Variants in ZNF366 observed in about 807,000 individuals in gnomAD.
ZNF366 encodes zinc finger protein 366.
A neutral mutation model predicts 47.2 loss-of-function variants in ZNF366; 20 were observed. The observed-to-expected ratio is 0.42, with a 90% CI of 0.30 to 0.62. The LOEUF (loss-of-function observed/expected upper bound fraction) is 0.62, where lower values mean the gene tolerates loss of function less well. Ranked by LOEUF, ZNF366 falls within the 20% of genes least tolerant of loss-of-function variation. The pLI is 0.16. For synonymous variants in ZNF366, 421 were observed against 395.1 expected, an observed-to-expected ratio of 1.07 and a Z score of -0.78; for missense variants, 987 against 976.3, an observed-to-expected ratio of 1.01 and a Z score of -0.15.
At chr5:72,505,248 G>A (rs79013430) in intron 1 of ZNF366, among the ~76,000 whole-genome samples, 1,802 of 152,232 alleles carry the variant, frequency 0.012, 29 homozygotes, top group African/African-American at 0.042. Context: ...ACTCTTTGGC[G>A]GTGAGTGAGT....
At chr5:72,459,136 G>A (rs915532737) in intron 2 of ZNF366, among the ~76,000 whole-genome samples, 8 of 152,146 alleles carry the variant, frequency 5.3e-5, no homozygotes, top group Non-Finnish European at 1.0e-4. Context: ...TCATCTCTGT[G>A]GCAGAGCCAG....
At chr5:72,489,439 G>A (rs976200283) in intron 1 of ZNF366, among the ~76,000 whole-genome samples, 2 of 152,016 alleles carry the variant, frequency 1.3e-5, no homozygotes, top group African/African-American at 4.8e-5. Context: ...GTTTGTTATT[G>A]GAGCATAACC....
Position 72,460,183 on chromosome 5 carries a change from C to T in ZNF366, c.1314G>A (p.Gln438=). Reference sequence around the variant, plus strand: ...GCAGTACCTTGTGGGTGAGGGAGTGCTGCTTGAGGTGGTGCGGCTGCACAA... The same window carrying T: ...GCAGTACCTTGTGGGTGAGGGAGTGTTGCTTGAGGTGGTGCGGCTGCACAA... ...MEFVQPHHLK[Q]HSLTHKGVKE... Residue 438 remains glutamine, a synonymous_variant, in exon 2 of 5, where the codon CAG becomes CAA. Transcript: ENST00000318442. The T allele has an allele frequency of 6.2e-7, 1 of 1,614,134 alleles. No individual in the cohort carries two copies. Among genetic ancestry groups the T allele is most frequent in the African/African-American group, 1.3e-5 (1 of 75,068 alleles).
chr5:72,470,662 G>A (rs894535046), intron 1 of ZNF366, among the ~76,000 whole-genome samples: 101 of 152,278 alleles, frequency 6.6e-4, no homozygotes, highest in African/African-American at 2.1e-3. Flanking sequence ...ACAAATAACC[G>A]TGTCCTAGGT....
At chr5:72,493,086 C>T (rs560153141) in intron 1 of ZNF366, among the ~76,000 whole-genome samples, 1 of 152,274 alleles carries the variant, frequency 6.6e-6, no homozygotes, top group East Asian at 1.9e-4. Context: ...TGCCTGTGAC[C>T]AAGGAAATGT....
chr5:72,454,672 T>A (rs1331348596), intron 3 of ZNF366, among the ~76,000 whole-genome samples: 1 of 152,148 alleles, frequency 6.6e-6, no homozygotes, highest in Non-Finnish European at 1.5e-5. Flanking sequence ...GATTAAAAAT[T>A]CAGTTAATGC....
intron 4 of ZNF366, 84 bp downstream of exon 4, chr5:72,447,159 C>T: frequency 1.3e-6 from 2 of 1,493,080 alleles, no homozygotes; most frequent in Non-Finnish European, 9.2e-7. Flanking sequence ...GAATAACCCT[C>T]AAGGTAATGC....
chr5:72,447,542 A>G, intron 3 of ZNF366, 125 bp from the exon 4 acceptor site: 1 of 1,164,630 alleles, frequency 8.6e-7, no homozygotes, highest in Non-Finnish European at 1.2e-6. Context: ...TTGCAAGGAA[A>G]ATGTCCATAA....
chr5:72,452,775 G>GT (rs1743100406), intron 3 of ZNF366, among the ~76,000 whole-genome samples: 1 of 152,230 alleles, frequency 6.6e-6, no homozygotes, highest in Admixed American at 6.5e-5. Flanking sequence ...CTGGATGGCT[G>GT]TTTTTCCTGG....
At chr5:72,482,286 T>C (rs964994073) in intron 1 of ZNF366, among the ~76,000 whole-genome samples, 6 of 152,184 alleles carry the variant, frequency 3.9e-5, no homozygotes, top group African/African-American at 9.7e-5. Context: ...GCCAATGAAG[T>C]TGAGAGAGTC....
At chr5:72,497,240 T>C (rs1227574777) in intron 1 of ZNF366, among the ~76,000 whole-genome samples, 1 of 152,214 alleles carries the variant, frequency 6.6e-6, no homozygotes. Context: ...GATTTTCTCC[T>C]GTGTTTCCCT....
intron 1 of ZNF366, among the ~76,000 whole-genome samples, chr5:72,502,034 A>C (rs1000032618): frequency 3.7e-4 from 56 of 152,202 alleles, no homozygotes; most frequent in African/African-American, 1.3e-3. Context: ...GAAAAGTTTG[A>C]CTAACTTTTT....
chr5:72,477,275 T>G (rs1289245491), intron 1 of ZNF366, among the ~76,000 whole-genome samples: 1 of 152,248 alleles, frequency 6.6e-6, no homozygotes, highest in African/African-American at 2.4e-5. Context: ...ATTCAATTCC[T>G]TCTTTCCCAG....
chr5:72,482,337 A>G (rs1483165053), intron 1 of ZNF366, among the ~76,000 whole-genome samples: 2 of 152,198 alleles, frequency 1.3e-5, no homozygotes, highest in Admixed American at 6.5e-5. Flanking sequence ...CAAAGTAGTC[A>G]AGGGGAAGTT....
At chr5:72,473,655 C>T (rs770119833) in intron 1 of ZNF366, among the ~76,000 whole-genome samples, 3 of 152,206 alleles carry the variant, frequency 2.0e-5, no homozygotes, top group Non-Finnish European at 4.4e-5. Context: ...AGTTCAGCTT[C>T]TTCCCGGAAA....
At chr5:72,456,276 G>A in intron 3 of ZNF366, 128 bp downstream of exon 3, 1 of 949,514 alleles carries the variant, frequency 1.1e-6, no homozygotes. Flanking sequence ...TGGGACCTGG[G>A]GTTGGCCACG....
At chr5:72,467,832 A>G (rs1026495697) in intron 1 of ZNF366, among the ~76,000 whole-genome samples, 1 of 152,182 alleles carries the variant, frequency 6.6e-6, no homozygotes, top group Non-Finnish European at 1.5e-5. Context: ...GATGTACCCT[A>G]GAGCTCTGTT....
intron 1 of ZNF366, chr5:72,493,508 A>AT (rs1744053341): frequency 6.6e-6 from 1 of 152,194 alleles, no homozygotes; most frequent in South Asian, 2.1e-4. Context: ...TTGATCAAGT[A>AT]TGCAAACCTA....
intron 1 of ZNF366, among the ~76,000 whole-genome samples, chr5:72,470,415 A>T (rs1423477194): frequency 6.6e-6 from 1 of 152,184 alleles, no homozygotes; most frequent in Non-Finnish European, 1.5e-5. Flanking sequence ...TGGAGTCTTT[A>T]TGGAGACTTC....
Sources: allele counts gnomAD v4.1 joint callset (sites outside exome capture counted in the v4.1 genomes callset), GRCh38; gene constraint gnomAD v4.1.1; transcripts MANE v1.5; gene names NCBI Gene and HGNC (gene_info 2026-07-23, HGNC 2026-07-21).